Variants in RBFOX1 observed in about 807,000 individuals in gnomAD.
RBFOX1 encodes the protein RNA binding fox-1 homolog 1.
Under a neutral mutation model 57.7 loss-of-function variants are expected in RBFOX1, and 8 were observed. The ratio of observed to expected loss-of-function variants is 0.14; its 90% CI spans 0.08 to 0.25. The LOEUF (loss-of-function observed/expected upper bound fraction) is 0.25, where lower values mean the gene tolerates loss of function less well. Ranked by LOEUF, RBFOX1 falls within the 10% of genes least tolerant of loss-of-function variation. The probability of loss-of-function intolerance (pLI) is 1.00; values close to 1 mark genes in which losing one functional copy is unlikely to be tolerated. For missense variants in RBFOX1, 611 were observed against 548.5 expected (o/e 1.11, Z -1.14); for synonymous variants, 326 against 222.4 (o/e 1.47, Z -4.15).
chr16:7,369,747 T>C (rs1309712180), intron 4 of RBFOX1, among the ~76,000 whole-genome samples: 1 of 152,194 alleles, frequency 6.6e-6, no homozygotes, highest in Non-Finnish European at 1.5e-5. Context: ...TTTGTTGTGC[T>C]TCTGTTTTGT....
intron 11 of RBFOX1, among the ~76,000 whole-genome samples, chr16:7,645,145 C>G (rs529462217): frequency 6.6e-6 from 1 of 152,198 alleles, no homozygotes; most frequent in South Asian, 2.1e-4. Context: ...ACATTCTTGC[C>G]AATTCCTTCG....
At chr16:7,565,188 C>T (rs1049340047) in intron 5 of RBFOX1, among the ~76,000 whole-genome samples, 1 of 152,092 alleles carries the variant, frequency 6.6e-6, no homozygotes, top group South Asian at 2.1e-4. Context: ...TAACTTTTCA[C>T]AATCTTGCTT....
At chr16:7,688,693 ATAGAG>A (rs1243317680) in intron 14 of RBFOX1, among the ~76,000 whole-genome samples, 1 of 152,138 alleles carries the variant, frequency 6.6e-6, no homozygotes, top group Non-Finnish European at 1.5e-5. Context: ...GCTGAGGCAG[ATAGAG>A]TATAGATGGT....
intron 1 of RBFOX1, among the ~76,000 whole-genome samples, chr16:6,089,074 AAAAAATAT>A (rs1051004671): frequency 6.9e-6 from 1 of 144,370 alleles, no homozygotes; most frequent in Non-Finnish European, 1.5e-5. Flanking sequence ...TCAAAAAAAA[AAAAAATAT>A]ATATATATAT....
chr16:6,961,480 G>T (rs561547146), intron 3 of RBFOX1, among the ~76,000 whole-genome samples: 2 of 152,324 alleles, frequency 1.3e-5, no homozygotes, highest in East Asian at 3.9e-4. Context: ...CCCAAAGGAG[G>T]GTTCTTGGAA....
intron 1 of RBFOX1, among the ~76,000 whole-genome samples, chr16:5,445,009 T>G (rs1304614902): frequency 6.6e-6 from 1 of 152,130 alleles, no homozygotes; most frequent in Non-Finnish European, 1.5e-5. Context: ...CTCCTCCTCC[T>G]TCTGTTTTTC....
intron 15 of RBFOX1, chr16:7,709,943 T>C (rs1251678983): frequency 9.8e-6 from 10 of 1,022,108 alleles, no homozygotes; most frequent in Non-Finnish European, 1.2e-5. Context: ...ACCCTAAAAA[T>C]GAATCCCCAT....
At chr16:5,822,077 C>T (rs1020307405) in intron 3 of RBFOX1, among the ~76,000 whole-genome samples, 1 of 152,160 alleles carries the variant, frequency 6.6e-6, no homozygotes, top group Non-Finnish European at 1.5e-5. Context: ...GGGTTGGTTC[C>T]ATGATTTTGC....
At chr16:7,623,372 A>G (rs2059597636) in intron 10 of RBFOX1, among the ~76,000 whole-genome samples, 2 of 152,170 alleles carry the variant, frequency 1.3e-5, no homozygotes, top group Admixed American at 1.3e-4. Flanking sequence ...ATGTAGAATC[A>G]GTGGGAGCCC....
chr16:7,174,830 G>T (rs1397403578), intron 4 of RBFOX1, among the ~76,000 whole-genome samples: 1 of 152,116 alleles, frequency 6.6e-6, no homozygotes, highest in East Asian at 1.9e-4. Flanking sequence ...TTTTTCCAAA[G>T]CGGTTGCGTT....
intron 1 of RBFOX1, among the ~76,000 whole-genome samples, chr16:5,257,773 T>C (rs6500673): frequency 0.81 from 123,068 of 152,110 alleles, 50,204 homozygotes; most frequent in East Asian, 1. Context: ...TCCTTGTGTG[T>C]TGTACTTTGT....
At chr16:7,020,353 G>T (rs1331420290) in intron 3 of RBFOX1, among the ~76,000 whole-genome samples, 1 of 151,988 alleles carries the variant, frequency 6.6e-6, no homozygotes, top group Non-Finnish European at 1.5e-5. Flanking sequence ...AGCCTACGGA[G>T]TAGCTGGGAT....
At chr16:7,201,118 C>G (rs60521471) in intron 4 of RBFOX1, among the ~76,000 whole-genome samples, 44,719 of 152,012 alleles carry the variant, frequency 0.29, 6,851 homozygotes, top group East Asian at 0.37. Flanking sequence ...CTGCAGGCAA[C>G]AAAGCTGGAA....
At chr16:5,371,349 C>T (rs2065852270) in intron 1 of RBFOX1, among the ~76,000 whole-genome samples, 2 of 152,152 alleles carry the variant, frequency 1.3e-5, no homozygotes, top group African/African-American at 4.8e-5. Flanking sequence ...AGATAGGGTA[C>T]ACAGAGTGAT....
intron 4 of RBFOX1, among the ~76,000 whole-genome samples, chr16:7,377,841 G>T (rs17671833): frequency 0.078 from 11,802 of 152,212 alleles, 450 homozygotes; most frequent in South Asian, 0.13. Flanking sequence ...AACAAGCACA[G>T]TGAAGTGAAA....
chr16:7,196,048 C>G (rs367904049), intron 4 of RBFOX1, among the ~76,000 whole-genome samples: 11 of 152,140 alleles, frequency 7.2e-5, no homozygotes, highest in African/African-American at 2.4e-4. Context: ...TTCCCAGCCT[C>G]CCATAGGGAG....
chr16:6,889,124 C>T (rs147033314), intron 3 of RBFOX1, among the ~76,000 whole-genome samples: 54 of 152,296 alleles, frequency 3.5e-4, no homozygotes, highest in African/African-American at 1.2e-3. Context: ...AAAAACCTGG[C>T]TTCAAATCTC....
intron 1 of RBFOX1, among the ~76,000 whole-genome samples, chr16:6,184,582 C>A (rs896153029): frequency 1.3e-5 from 2 of 152,082 alleles, no homozygotes; most frequent in African/African-American, 4.8e-5. Context: ...TTATTTTAGA[C>A]AGAGTCTCGC....
intron 4 of RBFOX1, among the ~76,000 whole-genome samples, chr16:5,909,335 G>A (rs200689607): frequency 7.2e-5 from 11 of 152,056 alleles, no homozygotes; most frequent in East Asian, 5.8e-4. Context: ...CTCATCATCC[G>A]CATGCCTTGG....
Sources: gnomAD v4.1 joint callset for allele counts (sites outside exome capture counted in the v4.1 genomes callset) on GRCh38, gnomAD v4.1.1 for gene constraint, MANE v1.5 for transcripts, NCBI Gene and HGNC (gene_info 2026-07-23, HGNC 2026-07-21) for gene names.